Variants in ARHGEF4 observed in about 807,000 individuals in gnomAD.
ARHGEF4 encodes Rho guanine nucleotide exchange factor 4, also known as APC-stimulated guanine nucleotide exchange factor 1.
Under a neutral mutation model 162.0 loss-of-function variants are expected in ARHGEF4, and 119 were observed. The ratio of observed to expected loss-of-function variants is 0.73; its 90% confidence interval spans 0.63 to 0.86. The LOEUF is 0.86. ARHGEF4 is among the 40% of genes least tolerant of loss of function. The pLI, the probability that ARHGEF4 is intolerant of heterozygous loss-of-function variation, is 0.00. For synonymous variants in ARHGEF4, 1,014 were observed against 979.9 expected (o/e 1.03, Z -0.65); for missense variants, 2,488 against 2,456.0 (o/e 1.01, Z -0.28).
At chr2:130,966,258 A>G (rs547897367) in intron 4 of ARHGEF4, among the ~76,000 whole-genome samples, 13 of 152,360 alleles carry the variant, frequency 8.5e-5, no homozygotes, top group Non-Finnish European at 1.6e-4. Context: ...TGTATGCCTT[A>G]GAGCCAGTTG....
In ARHGEF4 at chr2:131,041,931, T is replaced by C. The variant is rs1558898591; in HGVS notation, c.5012T>C (p.Ile1671Thr). The change falls in exon 10 of 14, where the codon ATA becomes ACA. Residue 1671 changes from isoleucine to threonine, a missense_variant. Ile to Thr is a moderately conservative substitution (Grantham distance 89). Around this residue, in one of 6 missense-constraint regions of ARHGEF4, gnomAD observed 415 missense variants for 512.4 expected, o/e 0.81. Coordinates refer to ENST00000409359, the MANE Select transcript of ARHGEF4 (RefSeq NM_001367493.1). ...IDKIAQWQSS[I>T]EDWEGEDLLV... ...AAGATTGCTCAGTGGCAGAGCTCCA[T>C]AGAGGACTGGGAGGTGAGGGCCTGG... 6.2e-7 allele frequency: 1 copy of C among 1,613,466 alleles called. No homozygotes were observed. Among genetic ancestry groups the C allele is most frequent in the Non-Finnish European group, 8.5e-7 (1 of 1,179,992 alleles).
chr2:130,907,371 T>C (rs1274421215), intron 1 of ARHGEF4, among the ~76,000 whole-genome samples: 2 of 151,722 alleles, frequency 1.3e-5, no homozygotes, highest in Non-Finnish European at 2.9e-5. Context: ...CCTGCCACCA[T>C]GCTCAACTAA....
intron 1 of ARHGEF4, among the ~76,000 whole-genome samples, chr2:130,870,025 G>C (rs767628621): frequency 2.6e-5 from 4 of 152,190 alleles, no homozygotes; most frequent in Non-Finnish European, 5.9e-5. Flanking sequence ...GCCTTTCTGG[G>C]TACATCTGCT....
intron 4 of ARHGEF4, among the ~76,000 whole-genome samples, chr2:130,992,369 C>T (rs1477803012): frequency 6.6e-6 from 1 of 152,000 alleles, no homozygotes; most frequent in Non-Finnish European, 1.5e-5. Flanking sequence ...TGGGTCCATG[C>T]TGCTTTTAAG....
chr2:131,015,508 G>A (rs186426913), intron 4 of ARHGEF4, among the ~76,000 whole-genome samples: 1 of 152,308 alleles, frequency 6.6e-6, no homozygotes, highest in Admixed American at 6.5e-5. Flanking sequence ...CCTGGTGTGG[G>A]TGCCTGGGAA....
chr2:130,972,666 C>A (rs1350001341), intron 4 of ARHGEF4, among the ~76,000 whole-genome samples: 1 of 152,160 alleles, frequency 6.6e-6, no homozygotes, highest in Non-Finnish European at 1.5e-5. Flanking sequence ...GCTGAAACTT[C>A]AGAACAAAAC....
chr2:130,899,430 G>A (rs138042938), intron 1 of ARHGEF4, among the ~76,000 whole-genome samples: 2 of 152,336 alleles, frequency 1.3e-5, no homozygotes, highest in Non-Finnish European at 2.9e-5. Context: ...GTTCCCTGGA[G>A]GAAGAATATC....
At chr2:130,856,793 T>TA (rs1681820094) in intron 1 of ARHGEF4, among the ~76,000 whole-genome samples, 1 of 150,966 alleles carries the variant, frequency 6.6e-6, no homozygotes, top group Non-Finnish European at 1.5e-5. Flanking sequence ...CCCTAAAACT[T>TA]AAAGTATATT....
At chr2:131,029,066 A>G (rs1295958861) in intron 5 of ARHGEF4, among the ~76,000 whole-genome samples, 1 of 152,108 alleles carries the variant, frequency 6.6e-6, no homozygotes, top group Non-Finnish European at 1.5e-5. Flanking sequence ...TGATGATTTA[A>G]AACAGTCATT....
chr2:130,841,463 C>G (rs1183296280), intron 1 of ARHGEF4, among the ~76,000 whole-genome samples: 1 of 151,380 alleles, frequency 6.6e-6, no homozygotes, highest in African/African-American at 2.4e-5. Flanking sequence ...CCTAGCAGTG[C>G]CATGGGTGAG....
intron 4 of ARHGEF4, among the ~76,000 whole-genome samples, chr2:131,018,655 T>G (rs1471366031): frequency 6.6e-6 from 1 of 152,264 alleles, no homozygotes. Context: ...TGGTCTTATA[T>G]CCAAGAAATT....
At chr2:130,993,081 AAAAACAAAAC>A (rs1176214102) in intron 4 of ARHGEF4, among the ~76,000 whole-genome samples, 8 of 152,198 alleles carry the variant, frequency 5.3e-5, no homozygotes, top group Non-Finnish European at 1.0e-4. Context: ...AAGACTGTTC[AAAAACAAAAC>A]AAAACAAAAA....
chr2:131,038,828 C>T (rs373988137), intron 5 of ARHGEF4, 25 bp from the exon 6 acceptor site: 276 of 1,584,184 alleles, frequency 1.7e-4, no homozygotes, highest in Middle Eastern at 1.8e-4. Flanking sequence ...CCCACTGACC[C>T]GCCTGCCCGT....
In ARHGEF4 at chr2:130,916,468, C is replaced by T; in HGVS notation, c.2522C>T (p.Ala841Val). 1 of 1,543,658 alleles carries T rather than the reference C, an allele frequency of 6.5e-7. No individual in the cohort carries two copies. Residue 841 changes from alanine (A) to valine (V), a missense_variant, in exon 2 of 14, where the codon GCC becomes GTC. By Grantham distance (64) the Ala-to-Val change is moderately conservative. Transcript: ENST00000409359. ...GLPRENPPAA[A>V]GRDAPPLHHG... ...CCCAGGGAGAATCCGCCCGCTGCGGCCGGTCGGGACGCACCGCCTCTGCAC... is the reference window on the plus strand; with the variant it reads ...CCCAGGGAGAATCCGCCCGCTGCGGTCGGTCGGGACGCACCGCCTCTGCAC...
intron 8 of ARHGEF4, among the ~76,000 whole-genome samples, chr2:131,040,794 G>A (rs948205456): frequency 5.3e-5 from 8 of 152,176 alleles, no homozygotes; most frequent in Non-Finnish European, 7.3e-5. Flanking sequence ...CTGCTTAGGC[G>A]GCAGATGCCG....
At chr2:130,852,492 G>A (rs1681477020) in intron 1 of ARHGEF4, among the ~76,000 whole-genome samples, 1 of 151,900 alleles carries the variant, frequency 6.6e-6, no homozygotes, top group Non-Finnish European at 1.5e-5. Context: ...ACTGACTGTG[G>A]GGAGTGGGGA....
intron 4 of ARHGEF4, among the ~76,000 whole-genome samples, chr2:130,971,025 C>G (rs1186957063): frequency 6.6e-6 from 1 of 152,068 alleles, no homozygotes; most frequent in African/African-American, 2.4e-5. Context: ...TGTTTGTTTC[C>G]TTCTAGAAGG....
At chr2:131,039,924 C>T (rs1690638033) in intron 6 of ARHGEF4, 92 bp from the exon 7 acceptor site, 3 of 1,487,912 alleles carry the variant, frequency 2.0e-6, no homozygotes, top group Non-Finnish European at 2.7e-6. Context: ...CCCTGCGGGG[C>T]CTCCGAGGCC....
intron 6 of ARHGEF4, 114 bp from the exon 7 acceptor site, chr2:131,039,902 G>A (rs1361724392): frequency 6.8e-7 from 1 of 1,460,952 alleles, no homozygotes; most frequent in Non-Finnish European, 9.0e-7. Flanking sequence ...CCTCAGCCCT[G>A]CGCCCCGTAC....
Sources: gnomAD v4.1 joint callset for allele counts (sites outside exome capture counted in the v4.1 genomes callset) on GRCh38, gnomAD v4.1.1 for gene constraint, gnomAD v4.1.1 regional missense constraint, MANE v1.5 for transcripts, NCBI Gene and HGNC (gene_info 2026-07-23, HGNC 2026-07-21) for gene names.